TNFSF10: variants seen among roughly 807,000 people sequenced by gnomAD.
TNFSF10 encodes the protein TNF superfamily member 10.
In TNFSF10, 13 loss-of-function variants were observed where a neutral mutation model predicts 29.5. The observed-to-expected ratio is 0.44, with a 90% CI of 0.29 to 0.70. The LOEUF is 0.70. Among genes scored for constraint, TNFSF10 ranks in the 30% least tolerant of loss-of-function variants. The pLI is 0.13. For missense variants in TNFSF10, 345 were observed against 330.9 expected (o/e 1.04, Z -0.33); for synonymous variants, 111 against 112.8 (o/e 0.98, Z 0.10).
intron 1 of TNFSF10, chr3:172,522,235 G>T (rs1045185165): frequency 9.4e-6 from 5 of 533,422 alleles, no homozygotes; most frequent in Non-Finnish European, 1.8e-5. Context: ...AAAGAAATCT[G>T]TTTGCCAGAA....
chr3:172,514,722 A>G lies in TNFSF10; in HGVS notation c.270+139T>C, dbSNP rs538938660. The stretch of plus-strand genomic sequence containing the variant: ...TAGTTCTATGAATTTGGGGAAAATT[A>G]CTTAAATACTCTGGGCCTAAGTTTT... On this transcript the variant is annotated intron_variant, in intron 2 of 4. Transcript: ENST00000241261. 6 of 1,209,756 alleles carry G rather than the reference A, an allele frequency of 5.0e-6. No individual in the cohort carries two copies. In the East Asian group the frequency reaches 7.3e-5, roughly 15 times the overall value. The allele number at this position is 1,209,756 out of a possible 1,614,324, so 74.9% of individuals were successfully genotyped here. A position where few individuals can be genotyped will look rare whatever the true frequency, so the allele number is the denominator to read the frequency against.
At chr3:172,520,574 C>G (rs182966512) in intron 1 of TNFSF10, among the ~76,000 whole-genome samples, 1 of 152,158 alleles carries the variant, frequency 6.6e-6, no homozygotes. Flanking sequence ...CTGACTCTAC[C>G]CTTGTCGCCT....
chr3:172,508,249 G>A (rs1713070562), intron 4 of TNFSF10, among the ~76,000 whole-genome samples: 1 of 151,376 alleles, frequency 6.6e-6, no homozygotes, highest in Admixed American at 6.6e-5. Flanking sequence ...GAGCCGAGAT[G>A]GCACCATTGC....
chr3:172,508,505 T>C (rs939323759), intron 4 of TNFSF10, among the ~76,000 whole-genome samples: 4 of 152,138 alleles, frequency 2.6e-5, no homozygotes, highest in African/African-American at 7.2e-5. Context: ...TAGTGATTCA[T>C]AGGGATAGTA....
intron 1 of TNFSF10, among the ~76,000 whole-genome samples, chr3:172,515,326 G>C (rs1489458910): frequency 6.6e-6 from 1 of 152,034 alleles, no homozygotes; most frequent in Non-Finnish European, 1.5e-5. Flanking sequence ...TTATAGTTTT[G>C]AGCCGGTTCA....
chr3:172,523,055 C>T lies in TNFSF10; in HGVS notation c.132+198G>A, dbSNP rs17848021. On this transcript the variant is annotated intron_variant, in intron 1 of 4. Transcript: ENST00000241261. ...GTAACTAGTGAAGCCAGTTGTGTAA[C>T]TGCACTTAGTTTACACAATTTCTTG... is the stretch of plus-strand genomic sequence containing the variant. Among the ~76,000 whole-genome samples the T allele has an allele frequency of 4.0e-4, 61 of 152,298 alleles. 1 individual carries two copies. The East Asian group carries it at 0.012, about 29-fold the overall frequency.
Position 172,506,014 on chromosome 3 carries a change from T to C in TNFSF10, c.*478A>G, listed in dbSNP as rs920780005. ...TGTTGGGATTACAGGTGTGAGCCAC[T>C]GCACCAGGCAAACTGCGATCTTTTA... On this transcript the variant is annotated 3_prime_UTR_variant, in exon 5 of 5. Transcript: ENST00000241261. The C allele has an allele frequency of 6.5e-6, 1 of 154,054 alleles. No individual in the cohort carries two copies. Among genetic ancestry groups the C allele is most frequent in the African/African-American group, 2.4e-5 (1 of 41,462 alleles). The allele number at this position is 154,054 out of a possible 1,614,324, so 9.5% of individuals were successfully genotyped here. A position where few individuals can be genotyped will look rare whatever the true frequency, so the allele number is the denominator to read the frequency against.
chr3:172,521,865 T>C (rs1196488372), intron 1 of TNFSF10, among the ~76,000 whole-genome samples: 2 of 152,168 alleles, frequency 1.3e-5, no homozygotes, highest in Non-Finnish European at 2.9e-5. Flanking sequence ...TATGCAGCCA[T>C]TAAAAAGAAT....
Position 172,509,246 on chromosome 3 carries a change from C to T in TNFSF10, c.389G>A (p.Arg130Lys), listed in dbSNP as rs761914468. 18 of 1,613,920 alleles carry T rather than the reference C, an allele frequency of 1.1e-5. No individual in the cohort carries two copies. The South Asian group carries it at 1.9e-4, about 17-fold the overall frequency. ...QRVAAHITGT[R>K]GRSNTLSSPN... ...AGAAGACAATGTGTTGCTTCTTCCT[C>T]TGGTCCCAGTTATGTGAGCTGCTAC... The change falls in exon 4 of 5, where the codon AGA (arginine) becomes AAA (lysine). Residue 130 changes from arginine to lysine, a missense_variant. Arg to Lys is a conservative substitution (Grantham distance 26). Transcript: ENST00000241261.
At chr3:172,512,610 G>A (rs1713270817) in intron 2 of TNFSF10, among the ~76,000 whole-genome samples, 2 of 152,286 alleles carry the variant, frequency 1.3e-5, no homozygotes, top group African/African-American at 4.8e-5. Flanking sequence ...AGTTCCCTGG[G>A]CACTGACTTA....
Position 172,506,515 on chromosome 3 carries a change from A to G in TNFSF10, c.823T>C (p.Phe275Leu), listed in dbSNP as rs1453883684. 5.6e-6 allele frequency: 9 copies of G among 1,605,280 alleles called. No individual in the cohort carries two copies. The highest frequency in any genetic ancestry group is 1.7e-5 in the Admixed American group (1 of 57,658). The part of the protein sequence containing the change: ...LIDMDHEASF[F>L]GAFLVG ...AGTTAGCCAACTAAAAAGGCCCCAA[A>G]AAAACTGGCTTCATGGTCCATGTCT... Residue 275 changes from phenylalanine to leucine, a missense_variant, in exon 5 of 5, where the codon TTT becomes CTT. Coordinates refer to ENST00000241261, the MANE Select transcript of TNFSF10 (RefSeq NM_003810.4).
At chr3:172,520,903 T>C (rs1713663923) in intron 1 of TNFSF10, among the ~76,000 whole-genome samples, 1 of 152,012 alleles carries the variant, frequency 6.6e-6, no homozygotes, top group East Asian at 1.9e-4. Flanking sequence ...ACACTACACA[T>C]CTACAACCAC....
chr3:172,514,072 C>G (rs139934819), intron 2 of TNFSF10, among the ~76,000 whole-genome samples: 4 of 152,304 alleles, frequency 2.6e-5, no homozygotes, highest in African/African-American at 9.6e-5. Flanking sequence ...CTCCTGACCT[C>G]AGGTGATCCG....
At chr3:172,511,152 C>T (rs1414689614) in intron 3 of TNFSF10, among the ~76,000 whole-genome samples, 2 of 151,960 alleles carry the variant, frequency 1.3e-5, no homozygotes, top group African/African-American at 2.4e-5. Flanking sequence ...GGATGAGGAT[C>T]GTGGGTGGGT....
Position 172,509,299 on chromosome 3 carries a change from G to A in TNFSF10, c.336C>T (p.Pro112=), listed in dbSNP as rs1713122472. ...TVQEKQQNIS[P]LVRERGPQRV... The stretch of plus-strand genomic sequence containing the variant: ...TCTGAGGACCTCTTTCTCTCACTAG[G>A]GGAGAAATATTTTGTTGCTTTTCTA... Residue 112 remains proline, a synonymous_variant, in exon 4 of 5, where the codon CCC becomes CCT. Transcript: ENST00000241261. 1 of 1,613,326 alleles carries A rather than the reference G, an allele frequency of 6.2e-7. No individual in the cohort carries two copies. Among genetic ancestry groups the A allele is most frequent in the African/African-American group, 1.3e-5 (1 of 74,848 alleles).
chr3:172,512,277 C>T (rs1034342499), intron 2 of TNFSF10, among the ~76,000 whole-genome samples: 1 of 152,150 alleles, frequency 6.6e-6, no homozygotes, highest in African/African-American at 2.4e-5. Flanking sequence ...CATATCTTTG[C>T]TAAATATCTA....
intron 1 of TNFSF10, among the ~76,000 whole-genome samples, chr3:172,519,249 T>G (rs993839001): frequency 2.6e-5 from 4 of 152,240 alleles, no homozygotes; most frequent in African/African-American, 9.6e-5. Flanking sequence ...TATGTCAATA[T>G]GCAATTAGGA....
At chr3:172,515,036 A>T (rs376502536) in intron 1 of TNFSF10, 38 bp from the exon 2 acceptor site, 1 of 1,611,352 alleles carries the variant, frequency 6.2e-7, no homozygotes, top group Non-Finnish European at 8.5e-7. Context: ...ATTTTGCATA[A>T]GTGCTTTTTA....
At chr3:172,512,073 G>T (rs558300784) in intron 2 of TNFSF10, among the ~76,000 whole-genome samples, 1 of 152,252 alleles carries the variant, frequency 6.6e-6, no homozygotes, top group South Asian at 2.1e-4. Context: ...TAAGTGCACT[G>T]GGTAGCAGAG....
Sources: gnomAD v4.1 joint callset for allele counts (sites outside exome capture counted in the v4.1 genomes callset) on GRCh38, gnomAD v4.1.1 for gene constraint, MANE v1.5 for transcripts, NCBI Gene and HGNC (gene_info 2026-07-23, HGNC 2026-07-21) for gene names.